CDH19: variants seen among roughly 807,000 people sequenced by gnomAD.
The protein encoded by CDH19 is cadherin 19.
CDH19 carries 67 observed loss-of-function variants against 64.2 expected under a neutral mutation model. The ratio of observed to expected loss-of-function variants is 1.04; its 90% CI spans 0.86 to 1.28. The LOEUF (loss-of-function observed/expected upper bound fraction) is 1.28, where lower values mean the gene tolerates loss of function less well. CDH19 is among the 50% of genes most tolerant of loss of function. The pLI is 0.00. For missense variants in CDH19, 1,030 were observed against 929.0 expected (o/e 1.11, Z -1.41); for synonymous variants, 346 against 319.3 (o/e 1.08, Z -0.89).
rs186947619 is a variant in CDH19 at position 66,504,534 on chromosome 18, T to G, written c.*278A>C. On this transcript the variant is annotated 3_prime_UTR_variant, in exon 12 of 12. Transcript: ENST00000262150. Reference sequence around the variant, plus strand: ...GCATAAGGATCGACTACATCTTGTGTCCTCTCATCTACTTTTAATATCTTC... The same window carrying G: ...GCATAAGGATCGACTACATCTTGTGGCCTCTCATCTACTTTTAATATCTTC... 3 of 311,142 alleles carry G rather than the reference T, an allele frequency of 9.6e-6. No homozygotes were observed. The East Asian group carries it at 1.5e-4, about 16-fold the overall frequency. The allele number at this position is 311,142 out of a possible 1,614,324, so 19.3% of individuals were successfully genotyped here.
intron 11 of CDH19, among the ~76,000 whole-genome samples, chr18:66,506,667 G>A (rs1985214760): frequency 6.6e-6 from 1 of 151,708 alleles, no homozygotes; most frequent in Non-Finnish European, 1.5e-5. Context: ...ATAAAAATGT[G>A]TGTGTGTGTC....
chr18:66,594,932 C>T (rs975898426), intron 1 of CDH19, among the ~76,000 whole-genome samples: 2 of 150,474 alleles, frequency 1.3e-5, no homozygotes, highest in African/African-American at 4.9e-5. Flanking sequence ...GTGCAGCGCA[C>T]CAGCATGGCA....
At chr18:66,597,457 C>T (rs967195269) in intron 1 of CDH19, among the ~76,000 whole-genome samples, 1 of 151,972 alleles carries the variant, frequency 6.6e-6, no homozygotes, top group Non-Finnish European at 1.5e-5. Context: ...AAAATCAGTA[C>T]AGATTAAATA....
rs777436122 is a variant in CDH19 at position 66,535,021 on chromosome 18, G to A, written c.1301C>T (p.Ala434Val). ...TSNSLDREISAWYNLSITATE... is the reference protein window; with the variant it reads ...TSNSLDREISVWYNLSITATE... ...GGCTGTAATACTTAGGTTGTACCAA[G>A]CACTGATTTCACGATCCAGTGAGTT... The change falls in exon 8 of 12, where the codon GCT (alanine) becomes GTT (valine). Residue 434 changes from alanine to valine, a missense_variant. Coordinates refer to ENST00000262150, the MANE Select transcript of CDH19 (RefSeq NM_021153.4). 10 of 1,512,558 alleles carry A rather than the reference G, an allele frequency of 6.6e-6. No individual in the cohort carries two copies. The Admixed American group carries it at 1.4e-4, about 22-fold the overall frequency. 93.7% of individuals were successfully genotyped at this position (1,512,558 alleles called of 1,614,324 possible).
chr18:66,526,834 T>C (rs945632789), intron 9 of CDH19, among the ~76,000 whole-genome samples: 1 of 151,666 alleles, frequency 6.6e-6, no homozygotes, highest in African/African-American at 2.4e-5. Context: ...TCATCATTCT[T>C]TTTTTTTAAA....
At chr18:66,532,819 A>G (rs955321176) in intron 8 of CDH19, 1 of 419,202 alleles carries the variant, frequency 2.4e-6, no homozygotes, top group African/African-American at 2.1e-5. Flanking sequence ...TCCTTTGGAT[A>G]AAACCACTTA....
intron 8 of CDH19, chr18:66,532,570 T>C (rs1986496972): frequency 3.1e-6 from 1 of 325,308 alleles, no homozygotes; most frequent in Non-Finnish European, 6.0e-6. Context: ...GTAAGTTTTT[T>C]CTTTGTCCCT....
At chr18:66,594,611 T>A (rs1244852559) in intron 1 of CDH19, among the ~76,000 whole-genome samples, 2 of 151,636 alleles carry the variant, frequency 1.3e-5, no homozygotes, top group East Asian at 3.9e-4. Context: ...AACCCAAATG[T>A]CCAACAATGA....
chr18:66,560,544 AG>A (rs1987681593), intron 3 of CDH19, among the ~76,000 whole-genome samples: 1 of 152,032 alleles, frequency 6.6e-6, no homozygotes, highest in Non-Finnish European at 1.5e-5. Flanking sequence ...AGAAAAATAG[AG>A]GGGGAAAAGC....
chr18:66,539,866 T>C (rs148937483), intron 7 of CDH19, among the ~76,000 whole-genome samples: 171 of 152,150 alleles, frequency 1.1e-3, no homozygotes, highest in African/African-American at 4.0e-3. Flanking sequence ...ATTTATGAGG[T>C]TGTACATATA....
intron 3 of CDH19, among the ~76,000 whole-genome samples, chr18:66,563,589 A>T (rs1384003097): frequency 2.0e-5 from 3 of 152,014 alleles, no homozygotes; most frequent in African/African-American, 7.2e-5. Context: ...CAAATACATG[A>T]CATAAGAGTT....
At chr18:66,603,221 A>G (rs981238507) in intron 1 of CDH19, among the ~76,000 whole-genome samples, 2 of 150,702 alleles carry the variant, frequency 1.3e-5, no homozygotes, top group African/African-American at 2.4e-5. Context: ...GAAATATTTT[A>G]TTATAATTAG....
At chr18:66,533,983 A>G (rs1453102291) in intron 8 of CDH19, among the ~76,000 whole-genome samples, 1 of 152,006 alleles carries the variant, frequency 6.6e-6, no homozygotes, top group African/African-American at 2.4e-5. Context: ...CCCCAAATAG[A>G]TCTAAAATGG....
chr18:66,554,398 C>A lies in CDH19; in HGVS notation c.610+7G>T, dbSNP rs1987442661. ...TGTTAAACTTTGCTTGTTTCATTCA[C>A]AAATACCTGTTGTTGGTTCAACAGA... On this transcript the variant is annotated splice_region_variant and intron_variant, in intron 4 of 11. Transcript: ENST00000262150. The A allele has an allele frequency of 6.2e-7, 1 of 1,610,146 alleles. No homozygotes were observed. Among genetic ancestry groups the A allele is most frequent in the African/African-American group, 1.3e-5 (1 of 74,656 alleles).
At position 66,568,700 on chromosome 18, in the gene CDH19, T is replaced by G; in HGVS notation, c.206A>C (p.Asp69Ala). The G allele has an allele frequency of 6.2e-7, 1 of 1,602,390 alleles. No homozygotes were observed. Among genetic ancestry groups the G allele is most frequent in the Non-Finnish European group, 8.5e-7 (1 of 1,175,780 alleles). ...TSHHIGQLRS[D>A]LDNGNNSFQY... is the part of the protein sequence containing the mutation. ...GAAAGAATTGTTTCCATTGTCTAAATCAGATCTTAGCTGCAAATGGAAAGA... is the reference window on the plus strand; with the variant it reads ...GAAAGAATTGTTTCCATTGTCTAAAGCAGATCTTAGCTGCAAATGGAAAGA... The change falls in exon 3 of 12, where the codon GAT (aspartate) becomes GCT (alanine). Residue 69 changes from aspartate (D) to alanine (A), a missense_variant. Transcript: ENST00000262150.
chr18:66,589,733 G>T (rs1462287102), intron 1 of CDH19, among the ~76,000 whole-genome samples: 5 of 151,742 alleles, frequency 3.3e-5, no homozygotes, highest in African/African-American at 9.7e-5. Flanking sequence ...AATGGAAAAA[G>T]AAAACTAAAG....
At chr18:66,584,098 A>G (rs1196939444) in intron 1 of CDH19, among the ~76,000 whole-genome samples, 1 of 152,140 alleles carries the variant, frequency 6.6e-6, no homozygotes, top group Non-Finnish European at 1.5e-5. Flanking sequence ...TTTGCAATCT[A>G]TGCATCTGAC....
intron 1 of CDH19, among the ~76,000 whole-genome samples, chr18:66,602,915 C>T (rs950582360): frequency 4.6e-5 from 7 of 151,184 alleles, no homozygotes; most frequent in African/African-American, 1.5e-4. Flanking sequence ...AGGCATACTG[C>T]TGATAATTAC....
intron 9 of CDH19, among the ~76,000 whole-genome samples, chr18:66,518,119 T>C (rs1985817636): frequency 1.3e-5 from 2 of 152,138 alleles, no homozygotes; most frequent in Admixed American, 1.3e-4. Flanking sequence ...CATAAAGTTT[T>C]GATTATCGAT....
Sources: gnomAD v4.1 joint callset for allele counts (sites outside exome capture counted in the v4.1 genomes callset) on GRCh38, gnomAD v4.1.1 for gene constraint, MANE v1.5 for transcripts, NCBI Gene and HGNC (gene_info 2026-07-23, HGNC 2026-07-21) for gene names.